Variants in ARHGAP21 observed in about 807,000 individuals in gnomAD.
The protein encoded by ARHGAP21 is Rho GTPase activating protein 21, also known as rho GTPase-activating protein 21.
Under a neutral mutation model 164.6 loss-of-function variants are expected in ARHGAP21, and 38 were observed. The ratio of observed to expected loss-of-function variants is 0.23; its 90% confidence interval spans 0.18 to 0.30. The LOEUF (loss-of-function observed/expected upper bound fraction) is 0.30, where lower values mean the gene tolerates loss of function less well. ARHGAP21 is among the 10% of genes least tolerant of loss of function. ARHGAP21 has a pLI of 1.00. For synonymous variants in ARHGAP21, 766 were observed against 857.9 expected (o/e 0.89, Z 1.87); for missense variants, 1,822 against 2,370.7 (o/e 0.77, Z 4.81).
chr10:24,699,269 T>C (rs1443900048), intron 2 of ARHGAP21, among the ~76,000 whole-genome samples: 1 of 152,122 alleles, frequency 6.6e-6, no homozygotes, highest in African/African-American at 2.4e-5. Context: ...TTGCATATTA[T>C]ATCCATATAA....
chr10:24,592,890 T>G (rs1410672129), intron 21 of ARHGAP21, among the ~76,000 whole-genome samples: 2 of 152,208 alleles, frequency 1.3e-5, no homozygotes. Flanking sequence ...ATATTATTTC[T>G]GACCAATTTT....
intron 4 of ARHGAP21, among the ~76,000 whole-genome samples, chr10:24,647,591 G>C (rs376141757): frequency 5.1e-4 from 78 of 152,252 alleles, no homozygotes; most frequent in African/African-American, 1.8e-3. Context: ...TTAGAAGCTT[G>C]TGCCAATTCA....
chr10:24,712,668 C>T (rs1166547695), intron 2 of ARHGAP21, among the ~76,000 whole-genome samples: 1 of 152,146 alleles, frequency 6.6e-6, no homozygotes, highest in Non-Finnish European at 1.5e-5. Flanking sequence ...CACGAATGTG[C>T]AACCCCATGG....
intron 4 of ARHGAP21, among the ~76,000 whole-genome samples, chr10:24,640,476 G>C (rs1282661268): frequency 1.3e-5 from 2 of 151,754 alleles, no homozygotes; most frequent in Non-Finnish European, 2.9e-5. Flanking sequence ...TGTTGCCAAA[G>C]AAAAATCTCT....
intron 8 of ARHGAP21, 83 bp downstream of exon 8, chr10:24,622,650 C>T: frequency 7.1e-7 from 1 of 1,399,386 alleles, no homozygotes; most frequent in Non-Finnish European, 9.7e-7. Flanking sequence ...CAAAAGTGAA[C>T]AGTTTTTAAT....
At chr10:24,648,905 G>A in intron 4 of ARHGAP21, 2 of 975,856 alleles carry the variant, frequency 2.0e-6, no homozygotes, top group Non-Finnish European at 2.4e-6. Context: ...CAACCCTGGA[G>A]ACCTCCTTTC....
At chr10:24,711,708 A>G (rs1463613942) in intron 2 of ARHGAP21, among the ~76,000 whole-genome samples, 2 of 152,164 alleles carry the variant, frequency 1.3e-5, no homozygotes, top group African/African-American at 2.4e-5. Context: ...AACAGACATG[A>G]GAAGAGGCAA....
rs1565169515 is a variant in ARHGAP21 at position 24,689,948 on chromosome 10, G to GTA, written c.64-19552_64-19551insTA. On this transcript the variant is annotated intron_variant, in intron 2 of 25. Coordinates refer to ENST00000396432, the MANE Select transcript of ARHGAP21 (RefSeq NM_020824.4). The stretch of plus-strand genomic sequence containing the variant: ...TGTATGTATATGTATATATGTATAT[G>GTA]TGTGTGTGTGTGTGTGTATATACAC... Among the ~76,000 whole-genome samples, 40 of 5,484 alleles carry GTA rather than the reference G, an allele frequency of 7.3e-3. 1 individual carries two copies. The highest frequency in any genetic ancestry group is 0.03 in the African/African-American group (28 of 932). The allele number at this position is 5,484 out of a possible 152,430, so 3.6% of individuals were successfully genotyped here.
intron 2 of ARHGAP21, among the ~76,000 whole-genome samples, chr10:24,702,749 G>A (rs775410582): frequency 5.1e-4 from 77 of 152,046 alleles, no homozygotes; most frequent in Non-Finnish European, 9.6e-4. Flanking sequence ...ACTATACTCA[G>A]CTAATTGTTT....
Position 24,584,756 on chromosome 10 carries a change from G to C in ARHGAP21, c.5533C>G (p.Gln1845Glu), listed in dbSNP as rs377057227. ...AGCCAGTCTGAGATGGAAAGGTCCT[G>C]GGCTGAGCATTTTGGTTTTAACCGG... ...VNRLKPKCSAQDLSISDWLAR... is the reference protein window; with the variant it reads ...VNRLKPKCSAEDLSISDWLAR... Residue 1845 changes from glutamine to glutamate, a missense_variant, in exon 26 of 26, where the codon CAG (glutamine) becomes GAG (glutamate). Gln to Glu is a conservative substitution (Grantham distance 29). Transcript: ENST00000396432. 1 of 1,613,978 alleles carries C rather than the reference G, an allele frequency of 6.2e-7. No individual in the cohort carries two copies. The highest frequency in any genetic ancestry group is 8.5e-7 in the Non-Finnish European group (1 of 1,179,864).
chr10:24,705,007 A>G (rs529583291), intron 2 of ARHGAP21, among the ~76,000 whole-genome samples: 9 of 152,280 alleles, frequency 5.9e-5, no homozygotes, highest in African/African-American at 2.2e-4. Flanking sequence ...AGGCACATCC[A>G]AAAAAGCACT....
chr10:24,689,716 G>A (rs965172018), intron 2 of ARHGAP21, among the ~76,000 whole-genome samples: 3 of 151,928 alleles, frequency 2.0e-5, no homozygotes, highest in Non-Finnish European at 4.4e-5. Flanking sequence ...ACTCCAGCCT[G>A]GACATCAGGG....
chr10:24,594,077 T>C (rs1280228045), intron 21 of ARHGAP21, among the ~76,000 whole-genome samples: 1 of 152,118 alleles, frequency 6.6e-6, no homozygotes, highest in East Asian at 1.9e-4. Context: ...TAAGGAAAAA[T>C]CACTCAGAAA....
chr10:24,709,387 AG>A lies in ARHGAP21; in HGVS notation c.63+12449del, dbSNP rs1179394195. Among the ~76,000 whole-genome samples the A allele has an allele frequency of 2.6e-5, 4 of 152,216 alleles. No individual in the cohort carries two copies. The East Asian group carries it at 7.7e-4, about 29-fold the overall frequency. On this transcript the variant is annotated intron_variant, in intron 2 of 25. Transcript: ENST00000396432. The stretch of plus-strand genomic sequence containing the variant: ...CTCCTGAAACTGTTCTAAGAAATCA[AG>A]GAATAAGGAATTCTCCCTAACTCAT...
intron 2 of ARHGAP21, among the ~76,000 whole-genome samples, chr10:24,677,252 TC>T (rs1339682272): frequency 6.6e-6 from 1 of 152,180 alleles, no homozygotes; most frequent in Non-Finnish European, 1.5e-5. Flanking sequence ...TCATTCTTTC[TC>T]TGCAAGCTCC....
At chr10:24,662,433 G>A (rs545124295) in intron 4 of ARHGAP21, among the ~76,000 whole-genome samples, 1 of 152,082 alleles carries the variant, frequency 6.6e-6, no homozygotes, top group Admixed American at 6.5e-5. Flanking sequence ...CTCAGCCTCA[G>A]TTCCCTCATC....
intron 11 of ARHGAP21, among the ~76,000 whole-genome samples, chr10:24,606,475 TTAAAAA>T (rs2077030639): frequency 6.6e-6 from 1 of 152,204 alleles, no homozygotes; most frequent in Non-Finnish European, 1.5e-5. Flanking sequence ...ATTATAATAA[TTAAAAA>T]TATATGTATC....
intron 4 of ARHGAP21, among the ~76,000 whole-genome samples, chr10:24,653,802 C>T (rs1380219659): frequency 1.3e-5 from 2 of 152,056 alleles, no homozygotes; most frequent in Non-Finnish European, 2.9e-5. Context: ...ATTTCTTCCA[C>T]TCATCAAAAT....
At chr10:24,693,325 A>C (rs10828688) in intron 2 of ARHGAP21, among the ~76,000 whole-genome samples, 117,892 of 152,030 alleles carry the variant, frequency 0.78, 45,770 homozygotes, top group Middle Eastern at 0.82. Context: ...CACGCTGGGA[A>C]GGAAATCTAA....
Sources: allele counts gnomAD v4.1 joint callset (sites outside exome capture counted in the v4.1 genomes callset), GRCh38; gene constraint gnomAD v4.1.1; transcripts MANE v1.5; gene names NCBI Gene and HGNC (gene_info 2026-07-23, HGNC 2026-07-21).